The following ALMS1 variants were observed in gnomAD, a reference collection of about 807,000 sequenced individuals.
ALMS1 encodes the protein ALMS1 centrosome and basal body associated protein.
A neutral mutation model predicts 352.2 loss-of-function variants in ALMS1; 271 were observed. The observed-to-expected ratio is 0.77, with a 90% CI of 0.70 to 0.85. The LOEUF (loss-of-function observed/expected upper bound fraction) is 0.85. Among genes scored for constraint, ALMS1 ranks in the 40% least tolerant of loss-of-function variants. ALMS1 has a pLI of 0.00. For synonymous variants in ALMS1, 1,865 were observed against 1,761.2 expected (o/e 1.06, Z -1.48); for missense variants, 5,445 against 4,870.7 (o/e 1.12, Z -3.51).
chr2:73,470,609 A>G (rs908223940), intron 9 of ALMS1: 2 of 151,504 alleles, frequency 1.3e-5, no homozygotes, highest in Non-Finnish European at 2.9e-5. Flanking sequence ...ATCCTGGAGA[A>G]TGTTCTATGT....
At chr2:73,599,053 CTT>C (rs1314618923) in intron 16 of ALMS1, among the ~76,000 whole-genome samples, 1 of 152,178 alleles carries the variant, frequency 6.6e-6, no homozygotes, top group Non-Finnish European at 1.5e-5. Context: ...CTCCAGGCCT[CTT>C]TATCTCACAT....
chr2:73,540,356 G>A (rs186739554), intron 12 of ALMS1, among the ~76,000 whole-genome samples: 1 of 152,234 alleles, frequency 6.6e-6, no homozygotes, highest in African/African-American at 2.4e-5. Context: ...CCCTAAAAGA[G>A]CTCCTGAAGG....
chr2:73,462,505 C>G (rs1672227599), intron 9 of ALMS1, among the ~76,000 whole-genome samples: 1 of 152,072 alleles, frequency 6.6e-6, no homozygotes, highest in Non-Finnish European at 1.5e-5. Context: ...CAAAAACATG[C>G]CAAAATGTAA....
chr2:73,591,958 C>T (rs557797907), intron 16 of ALMS1, among the ~76,000 whole-genome samples: 151 of 152,302 alleles, frequency 9.9e-4, no homozygotes, highest in Non-Finnish European at 1.8e-3. Context: ...TTCTGTCCAA[C>T]CCAAAGCCCT....
chr2:73,488,704 C>G (rs1175025657), intron 9 of ALMS1, among the ~76,000 whole-genome samples: 2 of 152,216 alleles, frequency 1.3e-5, no homozygotes, highest in East Asian at 3.8e-4. Context: ...TATATCTACT[C>G]CATCACCTGG....
chr2:73,608,157 A>G (rs1675854341), intron 21 of ALMS1, among the ~76,000 whole-genome samples: 1 of 152,136 alleles, frequency 6.6e-6, no homozygotes, highest in African/African-American at 2.4e-5. Flanking sequence ...GAAACAGTCC[A>G]TTTTTGCATG....
In ALMS1 at chr2:73,394,583, C is replaced by T. The variant is rs113643588; in HGVS notation, c.324+8391C>T. Among the ~76,000 whole-genome samples, 1,266 of 151,836 alleles carry T rather than the reference C, an allele frequency of 8.3e-3. 14 individuals are homozygous for T. The highest frequency in any genetic ancestry group is 0.029 in the African/African-American group (1,212 of 41,388). On this transcript the variant is annotated intron_variant, in intron 1 of 22. Coordinates refer to ENST00000613296, the MANE Select transcript of ALMS1 (RefSeq NM_001378454.1). ...CAGGCTGGTCTCGAACTCCTGACTT[C>T]AAGTGATCCACCTGCCTTGGCCTCT...
chr2:73,387,692 G>T (rs1019449762), intron 1 of ALMS1, among the ~76,000 whole-genome samples: 18 of 152,136 alleles, frequency 1.2e-4, no homozygotes, highest in Admixed American at 2.0e-4. Context: ...TTGAAACGAG[G>T]GGATGTATGA....
chr2:73,498,804 AC>A (rs1205353437), intron 10 of ALMS1, among the ~76,000 whole-genome samples: 1 of 152,052 alleles, frequency 6.6e-6, no homozygotes, highest in Non-Finnish European at 1.5e-5. Context: ...ACATTTTCTT[AC>A]CCATCTATTG....
At chr2:73,585,741 T>TTTTTTTA (rs1553420024) in intron 16 of ALMS1, among the ~76,000 whole-genome samples, 1 of 148,634 alleles carries the variant, frequency 6.7e-6, no homozygotes, top group Non-Finnish European at 1.5e-5. Context: ...TTTTTTTTTT[T>TTTTTTTA]CCCCGAGACG....
intron 10 of ALMS1, among the ~76,000 whole-genome samples, chr2:73,494,777 C>G (rs983226832): frequency 6.6e-6 from 1 of 152,210 alleles, no homozygotes; most frequent in Non-Finnish European, 1.5e-5. Flanking sequence ...AAAGTGGTAT[C>G]TGCTAGGATT....
intron 2 of ALMS1, among the ~76,000 whole-genome samples, chr2:73,409,295 A>T (rs909984663): frequency 6.6e-6 from 1 of 151,956 alleles, no homozygotes; most frequent in Non-Finnish European, 1.5e-5. Flanking sequence ...AAAATTTTTT[A>T]TAGAGATGGG....
rs1178738539 is a variant in ALMS1 at position 73,386,083 on chromosome 2, A to G, written c.215A>G (p.Glu72Gly). Residue 72 changes from glutamate to glycine, a missense_variant, in exon 1 of 23, where the codon GAG (glutamate) becomes GGG (glycine). Transcript: ENST00000613296. ...PQHLESIDDE[E>G]DEEAKAWLQA... is the part of the protein sequence containing the mutation. ...CATCTGGAAAGTATAGACGACGAGG[A>G]GGACGAGGAGGCCAAGGCCTGGCTG... 6.3e-7 allele frequency: 1 copy of G among 1,596,478 alleles called. No individual in the cohort carries two copies. Among genetic ancestry groups the G allele is most frequent in the African/African-American group, 1.3e-5 (1 of 74,492 alleles).
At chr2:73,508,960 G>A (rs531993372) in intron 10 of ALMS1, among the ~76,000 whole-genome samples, 1 of 151,956 alleles carries the variant, frequency 6.6e-6, no homozygotes, top group Admixed American at 6.6e-5. Flanking sequence ...GCATTGATCC[G>A]TTTACCATTA....
chr2:73,407,747 G>A (rs757692884), intron 1 of ALMS1, among the ~76,000 whole-genome samples: 34 of 152,024 alleles, frequency 2.2e-4, no homozygotes, highest in Non-Finnish European at 4.0e-4. Flanking sequence ...TAGTAGAGAC[G>A]GGGTTTTGCT....
In ALMS1 at chr2:73,426,967, C is replaced by T. The variant is rs184946694; in HGVS notation, c.1338+414C>T. 8.9e-4 allele frequency among the ~76,000 whole-genome samples: 135 copies of T among 152,182 alleles called. No individual in the cohort carries two copies. The Middle Eastern group carries it at 0.01, about 12-fold the overall frequency. ...TTCATCTGATATCCAGGAATATGTTCCATTAGAGGTTGGTATAAAAGAAAT... is the reference window on the plus strand; with the variant it reads ...TTCATCTGATATCCAGGAATATGTTTCATTAGAGGTTGGTATAAAAGAAAT... On this transcript the variant is annotated intron_variant, in intron 6 of 22. Coordinates refer to ENST00000613296, the MANE Select transcript of ALMS1 (RefSeq NM_001378454.1).
At chr2:73,551,202 A>G (rs1452184159) in intron 13 of ALMS1, among the ~76,000 whole-genome samples, 2 of 152,200 alleles carry the variant, frequency 1.3e-5, no homozygotes, top group African/African-American at 4.8e-5. Context: ...CCAACATTCA[A>G]AACTAAGATT....
In ALMS1 at chr2:73,448,710, A is replaced by C. The variant is rs1404131884; in HGVS notation, c.2183A>C (p.Gln728Pro). ...HREKPGIFYQ[Q>P]EFADSHQTEE... is the part of the protein sequence containing the mutation. ...GAGAAGCCTGGTATTTTTTACCAAC[A>C]AGAGTTCGCAGACAGTCATCAAACT... Residue 728 changes from glutamine to proline, a missense_variant, in exon 8 of 23, where the codon CAA becomes CCA. Transcript: ENST00000613296. 6.2e-7 allele frequency: 1 copy of C among 1,605,374 alleles called. No individual in the cohort carries two copies. Among genetic ancestry groups the C allele is most frequent in the Non-Finnish European group, 8.5e-7 (1 of 1,174,156 alleles).
In ALMS1 at chr2:73,489,985, A is replaced by T. The variant is rs780331033; in HGVS notation, c.8026A>T (p.Met2676Leu). The T allele has an allele frequency of 4.3e-6, 7 of 1,614,120 alleles. No homozygotes were observed. In the African/African-American group the frequency reaches 9.3e-5, roughly 22 times the overall value. ...TCTTCGAATGCCATTCGATGAAAAG[A>T]TGGACCCTTGGCTGTCAGAATTAGT... Reference protein sequence around the residue: ...KGLRMPFDEKMDPWLSELVEP... With the variant: ...KGLRMPFDEKLDPWLSELVEP... Residue 2676 changes from methionine (M) to leucine (L), a missense_variant, in exon 10 of 23, where the codon ATG (methionine) becomes TTG (leucine). Transcript: ENST00000613296.
Sources: gnomAD v4.1 joint callset for allele counts (sites outside exome capture counted in the v4.1 genomes callset) on GRCh38, gnomAD v4.1.1 for gene constraint, MANE v1.5 for transcripts, NCBI Gene and HGNC (gene_info 2026-07-23, HGNC 2026-07-21) for gene names.